PDE9A: variants seen among roughly 807,000 people sequenced by gnomAD.
PDE9A encodes phosphodiesterase 9A.
Under a neutral mutation model 87.4 loss-of-function variants are expected in PDE9A, and 60 were observed. The observed-to-expected ratio is 0.69, with a 90% CI of 0.56 to 0.85. The LOEUF (loss-of-function observed/expected upper bound fraction) is 0.85. PDE9A is among the 40% of genes least tolerant of loss of function. PDE9A has a pLI of 0.00. For synonymous variants in PDE9A, 272 were observed against 279.4 expected, an observed-to-expected ratio of 0.97 and a Z score of 0.27; for missense variants, 665 against 779.0, an observed-to-expected ratio of 0.85 and a Z score of 1.74.
At chr21:42,688,015 T>A (rs2059573872) in intron 3 of PDE9A, 21 bp downstream of exon 3, 3 of 1,601,282 alleles carry the variant, frequency 1.9e-6, no homozygotes, top group Non-Finnish European at 2.6e-6. Flanking sequence ...CCGGCCGCGC[T>A]CCTCGGGGTG....
chr21:42,703,189 G>A (rs1188717543), intron 4 of PDE9A, among the ~76,000 whole-genome samples: 1 of 152,226 alleles, frequency 6.6e-6, no homozygotes, highest in African/African-American at 2.4e-5. Flanking sequence ...CCAGGGAGGG[G>A]GTTGCTGCGG....
At chr21:42,730,532 A>C (rs2051618054) in intron 4 of PDE9A, among the ~76,000 whole-genome samples, 3 of 152,226 alleles carry the variant, frequency 2.0e-5, no homozygotes. Flanking sequence ...TTTTTAAATA[A>C]AATTTATATA....
At chr21:42,668,567 T>G (rs572420063) in intron 1 of PDE9A, among the ~76,000 whole-genome samples, 186 of 152,308 alleles carry the variant, frequency 1.2e-3, no homozygotes, top group African/African-American at 4.0e-3. Context: ...GGTTCGTCGA[T>G]TTTTGCATTT....
intron 4 of PDE9A, chr21:42,701,276 G>A (rs1184300864): frequency 6.6e-6 from 1 of 151,800 alleles, no homozygotes; most frequent in Admixed American, 6.6e-5. Flanking sequence ...TATAGGAATT[G>A]GCTTCTGTAT....
chr21:42,714,284 TG>T (rs1470654116), intron 4 of PDE9A, among the ~76,000 whole-genome samples: 13 of 152,332 alleles, frequency 8.5e-5, no homozygotes, highest in African/African-American at 2.9e-4. Flanking sequence ...CCCAAAGTGC[TG>T]GGATTACAGG....
At chr21:42,769,809 T>C (rs1005844744) in intron 17 of PDE9A, among the ~76,000 whole-genome samples, 1 of 149,938 alleles carries the variant, frequency 6.7e-6, no homozygotes, top group East Asian at 1.9e-4. Context: ...CACCTGCACA[T>C]CCTGAGCAGC....
chr21:42,682,972 G>A (rs975372262), intron 1 of PDE9A, among the ~76,000 whole-genome samples: 5 of 152,196 alleles, frequency 3.3e-5, no homozygotes, highest in Admixed American at 2.6e-4. Context: ...AGAGCAGATG[G>A]TGAAAATCAG....
chr21:42,686,639 A>C (rs1166556953), intron 2 of PDE9A, among the ~76,000 whole-genome samples: 3 of 152,154 alleles, frequency 2.0e-5, no homozygotes, highest in Middle Eastern at 3.2e-3. Flanking sequence ...ACATGGTGAA[A>C]TCTTGTCTCT....
intron 15 of PDE9A, chr21:42,765,728 CTT>C (rs1007647094): frequency 3.9e-6 from 2 of 508,608 alleles, no homozygotes; most frequent in African/African-American, 3.9e-5. Context: ...TCCTCCATCT[CTT>C]TTGGATTTGA....
At chr21:42,673,960 G>A (rs1283886857) in intron 1 of PDE9A, among the ~76,000 whole-genome samples, 14 of 152,252 alleles carry the variant, frequency 9.2e-5, no homozygotes, top group Admixed American at 7.9e-4. Context: ...GTCCTTGAAC[G>A]TGTCGATATT....
At chr21:42,708,960 C>G (rs1372960145) in intron 4 of PDE9A, among the ~76,000 whole-genome samples, 3 of 152,050 alleles carry the variant, frequency 2.0e-5, no homozygotes, top group Non-Finnish European at 4.4e-5. Context: ...ATATATATAC[C>G]CAAAGGAATA....
intron 19 of PDE9A, among the ~76,000 whole-genome samples, chr21:42,774,139 A>G (rs990286383): frequency 2.6e-5 from 4 of 152,028 alleles, no homozygotes; most frequent in Non-Finnish European, 5.9e-5. Flanking sequence ...TCAAAAAAAT[A>G]TAAATAAATA....
Position 42,700,958 on chromosome 21 carries a change from A to G in PDE9A, c.262+1947A>G, listed in dbSNP as rs985988539. 44 of 152,208 alleles carry G rather than the reference A, an allele frequency of 2.9e-4. 1 individual carries two copies. Among genetic ancestry groups the G allele is most frequent in the African/African-American group, 1.0e-3 (42 of 41,450 alleles). The allele number at this position is 152,208 out of a possible 1,614,324, so 9.4% of individuals were successfully genotyped here. On this transcript the variant is annotated intron_variant, in intron 4 of 19. Coordinates refer to ENST00000291539, the MANE Select transcript of PDE9A (RefSeq NM_002606.3). Reference sequence around the variant, plus strand: ...AAAAATGTTATTGCTTTTATTTTCAAATAAATTTTAGAATCAGTCTATGAA... The same window carrying G: ...AAAAATGTTATTGCTTTTATTTTCAGATAAATTTTAGAATCAGTCTATGAA...
chr21:42,747,515 T>G (rs2053988829), intron 8 of PDE9A, among the ~76,000 whole-genome samples: 1 of 152,196 alleles, frequency 6.6e-6, no homozygotes, highest in Non-Finnish European at 1.5e-5. Flanking sequence ...GGGGTATGGA[T>G]CCACCAGAAG....
rs2056819518 is a variant in PDE9A at position 42,653,744 on chromosome 21, C to A, written c.-71C>A. On this transcript the variant is annotated 5_prime_UTR_variant, in exon 1 of 20. Coordinates refer to ENST00000291539, the MANE Select transcript of PDE9A (RefSeq NM_002606.3). ...CGCCCGCCCCCTCCCCTGCTCCCCT[C>A]CCCCGCCTCCCGCGGCGGCTGGCGT... is the stretch of plus-strand genomic sequence containing the variant. The A allele has an allele frequency of 2.5e-6, 2 of 804,536 alleles. No homozygotes were observed. Among genetic ancestry groups the A allele is most frequent in the South Asian group, 1.6e-5 (1 of 61,888 alleles). 49.8% of individuals were successfully genotyped at this position (804,536 alleles called of 1,614,324 possible).
At chr21:42,742,780 C>T (rs1338674611) in intron 7 of PDE9A, among the ~76,000 whole-genome samples, 4 of 152,002 alleles carry the variant, frequency 2.6e-5, no homozygotes, top group Non-Finnish European at 5.9e-5. Flanking sequence ...TGTCTTCTTG[C>T]ACTGAGTCAG....
chr21:42,746,772 C>T (rs1474318409), intron 8 of PDE9A, among the ~76,000 whole-genome samples: 1 of 152,252 alleles, frequency 6.6e-6, no homozygotes, highest in East Asian at 1.9e-4. Context: ...AGGTGCCTGT[C>T]AGGCACGCCG....
At chr21:42,735,066 G>C (rs1299344233) in intron 7 of PDE9A, among the ~76,000 whole-genome samples, 2 of 152,202 alleles carry the variant, frequency 1.3e-5, no homozygotes, top group Non-Finnish European at 2.9e-5. Flanking sequence ...TTCCCTAAAG[G>C]ATTTTGGGAA....
chr21:42,748,290 A>G (rs971251487), intron 8 of PDE9A, among the ~76,000 whole-genome samples: 10 of 152,232 alleles, frequency 6.6e-5, no homozygotes, highest in African/African-American at 1.9e-4. Context: ...AATGGATGAC[A>G]ATGGAAATCA....
Sources: allele counts gnomAD v4.1 joint callset (sites outside exome capture counted in the v4.1 genomes callset), GRCh38; gene constraint gnomAD v4.1.1; transcripts MANE v1.5; gene names NCBI Gene and HGNC (gene_info 2026-07-23, HGNC 2026-07-21).